Variants in ITGA9 observed in about 807,000 individuals in gnomAD.
The protein encoded by ITGA9 is integrin alpha-9.
In ITGA9, 56 loss-of-function variants were observed where a neutral mutation model predicts 127.8. The observed-to-expected ratio is 0.44, with a 90% CI of 0.35 to 0.55. The LOEUF (loss-of-function observed/expected upper bound fraction) is 0.55. Ranked by LOEUF, ITGA9 falls within the 20% of genes least tolerant of loss-of-function variation. ITGA9 has a pLI of 0.00. For synonymous variants in ITGA9, 508 were observed against 514.5 expected (o/e 0.99, Z 0.17); for missense variants, 1,196 against 1,347.1 (o/e 0.89, Z 1.76).
intron 15 of ITGA9, among the ~76,000 whole-genome samples, chr3:37,614,307 C>G (rs1700052702): frequency 6.6e-6 from 1 of 151,788 alleles, no homozygotes; most frequent in Non-Finnish European, 1.5e-5. Context: ...GGGCTCTGTT[C>G]TGTTCCATTG....
At chr3:37,679,593 G>C (rs1700715655) in intron 17 of ITGA9, among the ~76,000 whole-genome samples, 1 of 152,184 alleles carries the variant, frequency 6.6e-6, no homozygotes, top group Admixed American at 6.5e-5. Flanking sequence ...CTGATGATCT[G>C]TTGTGGGGAT....
At chr3:37,755,346 T>C (rs1326322987) in intron 23 of ITGA9, among the ~76,000 whole-genome samples, 1 of 151,750 alleles carries the variant, frequency 6.6e-6, no homozygotes, top group Non-Finnish European at 1.5e-5. Context: ...GCAGGCTCAG[T>C]CAATAGGACA....
chr3:37,632,827 G>T (rs539030539), intron 16 of ITGA9, among the ~76,000 whole-genome samples: 3 of 152,156 alleles, frequency 2.0e-5, no homozygotes, highest in African/African-American at 7.2e-5. Context: ...TGAAATAAAG[G>T]CTTCAATGTT....
intron 16 of ITGA9, among the ~76,000 whole-genome samples, chr3:37,644,750 GT>G (rs754759850): frequency 1.3e-5 from 2 of 152,138 alleles, no homozygotes; most frequent in East Asian, 3.8e-4. Flanking sequence ...AACCAAGAGG[GT>G]TTTTTTATCC....
intron 23 of ITGA9, among the ~76,000 whole-genome samples, chr3:37,762,802 A>G (rs527331491): frequency 6.6e-6 from 1 of 152,222 alleles, no homozygotes; most frequent in Non-Finnish European, 1.5e-5. Flanking sequence ...GTAGCTGTCC[A>G]GCAGCTCTAG....
intron 15 of ITGA9, among the ~76,000 whole-genome samples, chr3:37,606,969 CCTT>C (rs1699974645): frequency 8.5e-6 from 1 of 118,222 alleles, no homozygotes; most frequent in African/African-American, 3.2e-5. Context: ...GCTCATGGCT[CCTT>C]TTTTTTTTTT....
chr3:37,623,691 C>CTGTGTGTG (rs10581492), intron 15 of ITGA9, among the ~76,000 whole-genome samples: 1 of 149,340 alleles, frequency 6.7e-6, no homozygotes, highest in Non-Finnish European at 1.5e-5. Context: ...GTGTGTGTGT[C>CTGTGTGTG]TGTGTGTGTG....
chr3:37,507,427 T>C (rs553279), intron 7 of ITGA9, among the ~76,000 whole-genome samples: 92,900 of 151,636 alleles, frequency 0.61, 28,750 homozygotes, highest in East Asian at 0.86. Context: ...GCAGAAAACA[T>C]GATCCAGTTT....
chr3:37,480,693 G>A (rs1698543709), intron 3 of ITGA9, among the ~76,000 whole-genome samples: 1 of 152,206 alleles, frequency 6.6e-6, no homozygotes, highest in African/African-American at 2.4e-5. Flanking sequence ...TCTGTGGGTA[G>A]AAACATGGTT....
intron 15 of ITGA9, among the ~76,000 whole-genome samples, chr3:37,563,334 G>A (rs1328106514): frequency 6.6e-6 from 1 of 152,148 alleles, no homozygotes; most frequent in Non-Finnish European, 1.5e-5. Context: ...TTTAAATTTG[G>A]CTTCAGAGGG....
chr3:37,488,358 G>A (rs11716496), intron 4 of ITGA9, among the ~76,000 whole-genome samples: 17,008 of 151,982 alleles, frequency 0.11, 1,083 homozygotes, highest in Middle Eastern at 0.17. Context: ...ATGACATAAT[G>A]CATAGTAAGT....
At chr3:37,775,566 A>G (rs1575232238) in intron 23 of ITGA9, among the ~76,000 whole-genome samples, 1 of 151,918 alleles carries the variant, frequency 6.6e-6, no homozygotes, top group African/African-American at 2.4e-5. Flanking sequence ...GAATGGCTTG[A>G]ACCCAGGAGG....
chr3:37,643,758 G>T (rs1335870623), intron 16 of ITGA9, among the ~76,000 whole-genome samples: 1 of 152,120 alleles, frequency 6.6e-6, no homozygotes, highest in African/African-American at 2.4e-5. Context: ...CAAGTACAAG[G>T]CCCTTGCTGT....
At chr3:37,536,883 G>T (rs755202206) in intron 14 of ITGA9, among the ~76,000 whole-genome samples, 3 of 152,232 alleles carry the variant, frequency 2.0e-5, no homozygotes, top group Non-Finnish European at 2.9e-5. Context: ...GGGAGTAACT[G>T]CAGGAAGCAG....
chr3:37,786,617 A>C (rs115287615), intron 26 of ITGA9, among the ~76,000 whole-genome samples: 1 of 150,178 alleles, frequency 6.7e-6, no homozygotes. Context: ...CAAACAAACA[A>C]AAAAAAAAAA....
intron 23 of ITGA9, among the ~76,000 whole-genome samples, chr3:37,751,026 G>C (rs1398760867): frequency 6.6e-6 from 1 of 152,234 alleles, no homozygotes; most frequent in African/African-American, 2.4e-5. Flanking sequence ...AGGGCAGCAA[G>C]GCCCATATGG....
intron 1 of ITGA9, among the ~76,000 whole-genome samples, chr3:37,468,689 A>G (rs1033170155): frequency 5.9e-5 from 9 of 152,146 alleles, no homozygotes; most frequent in African/African-American, 2.2e-4. Context: ...AGCTTTCTAC[A>G]TCCCCAGGAA....
intron 16 of ITGA9, among the ~76,000 whole-genome samples, chr3:37,643,524 A>G (rs939179413): frequency 2.0e-5 from 3 of 152,040 alleles, no homozygotes; most frequent in South Asian, 2.1e-4. Flanking sequence ...TTGTGGGGGG[A>G]AAATGCATTC....
chr3:37,609,573 C>T (rs1699998688), intron 15 of ITGA9, among the ~76,000 whole-genome samples: 1 of 152,142 alleles, frequency 6.6e-6, no homozygotes, highest in African/African-American at 2.4e-5. Flanking sequence ...ATTTGTGATG[C>T]ATTGTTTTTA....
Sources: allele counts gnomAD v4.1 joint callset (sites outside exome capture counted in the v4.1 genomes callset), GRCh38; gene constraint gnomAD v4.1.1; transcripts MANE v1.5; gene names NCBI Gene and HGNC (gene_info 2026-07-23, HGNC 2026-07-21).